Variants in MYO3A observed in about 807,000 individuals in gnomAD.
The protein encoded by MYO3A is myosin-IIIa.
MYO3A carries 180 observed loss-of-function variants against 192.7 expected under a neutral mutation model. That is an observed-to-expected ratio of 0.93 (90% confidence interval 0.83 to 1.06). The LOEUF (loss-of-function observed/expected upper bound fraction) is 1.06, where lower values mean the gene tolerates loss of function less well. Among genes scored for constraint, MYO3A ranks in the 50% least tolerant of loss-of-function variants. The probability of loss-of-function intolerance (pLI) is 0.00; values close to 1 mark genes in which losing one functional copy is unlikely to be tolerated. For synonymous variants in MYO3A, 628 were observed against 645.3 expected (o/e 0.97, Z 0.41); for missense variants, 1,896 against 1,905.0 (o/e 1.00, Z 0.09).
intron 2 of MYO3A, among the ~76,000 whole-genome samples, chr10:25,946,680 C>A (rs1836853460): frequency 6.6e-6 from 1 of 151,602 alleles, no homozygotes; most frequent in Non-Finnish European, 1.5e-5. Flanking sequence ...GAGATCAAGA[C>A]CATCCTGGCT....
At chr10:25,991,119 A>G (rs1446216351) in intron 4 of MYO3A, among the ~76,000 whole-genome samples, 2 of 152,244 alleles carry the variant, frequency 1.3e-5, no homozygotes, top group Non-Finnish European at 2.9e-5. Context: ...ACTAGTTTAC[A>G]GTCCCACCAA....
At position 26,096,463 on chromosome 10, in the gene MYO3A, G is replaced by GA; in HGVS notation, c.1649dup (p.Asn550LysfsTer2). 6.2e-7 allele frequency: 1 copy of GA among 1,613,568 alleles called. No homozygotes were observed. The highest frequency in any genetic ancestry group is 2.2e-5 in the East Asian group (1 of 44,822). On this transcript the variant is annotated frameshift_variant, in exon 16 of 35. Transcript: ENST00000642920. LOFTEE classifies it high-confidence loss of function. ...GAAACTAGCCCATTACAAACTGCCT[G>GA]AAAATAAGCCTCCCAGGTAATCTAC...
chr10:26,002,305 C>T (rs1021654133), intron 6 of MYO3A, among the ~76,000 whole-genome samples: 1 of 152,114 alleles, frequency 6.6e-6, no homozygotes, highest in Admixed American at 6.5e-5. Flanking sequence ...GAATATAATT[C>T]AAATATAAAA....
chr10:25,999,860 T>A (rs1840676875), intron 6 of MYO3A, among the ~76,000 whole-genome samples: 1 of 152,142 alleles, frequency 6.6e-6, no homozygotes, highest in Admixed American at 6.5e-5. Flanking sequence ...TCTTCCCTTG[T>A]TTTCACCTCC....
intron 34 of MYO3A, among the ~76,000 whole-genome samples, chr10:26,205,479 T>TGG (rs766224587): frequency 0.018 from 2,332 of 133,238 alleles, 134 homozygotes; most frequent in African/African-American, 0.068. Flanking sequence ...TTTTTTTTTT[T>TGG]GGGGGGGGGC....
intron 34 of MYO3A, among the ~76,000 whole-genome samples, chr10:26,211,156 CA>C (rs1339115904): frequency 6.6e-6 from 1 of 152,188 alleles, no homozygotes; most frequent in African/African-American, 2.4e-5. Flanking sequence ...TGGTACTTAG[CA>C]GGTGCTCAGT....
At chr10:26,076,427 AT>A (rs1040536732) in intron 14 of MYO3A, among the ~76,000 whole-genome samples, 1 of 151,314 alleles carries the variant, frequency 6.6e-6, no homozygotes, top group Admixed American at 6.6e-5. Flanking sequence ...GATTGTGAAG[AT>A]TTTTTTTCCC....
intron 2 of MYO3A, among the ~76,000 whole-genome samples, chr10:25,943,433 T>C (rs996185396): frequency 2.0e-5 from 3 of 152,116 alleles, no homozygotes; most frequent in African/African-American, 7.2e-5. Context: ...GGGATTTTGC[T>C]AACAATTGCA....
chr10:26,021,469 A>G (rs781341208), intron 7 of MYO3A, 34 bp from the exon 8 acceptor site: 2 of 1,610,104 alleles, frequency 1.2e-6, no homozygotes, highest in Admixed American at 3.3e-5. Flanking sequence ...TAAAGTCACA[A>G]ATTTCACCTT....
At chr10:26,111,756 G>T (rs1838195643) in intron 17 of MYO3A, among the ~76,000 whole-genome samples, 1 of 152,212 alleles carries the variant, frequency 6.6e-6, no homozygotes, top group African/African-American at 2.4e-5. Flanking sequence ...GATGCTCCTT[G>T]TGAACTGTGC....
rs1184006583 is a variant in MYO3A, at chr10:25,958,008, T to G, written c.303+3000T>G. ...TTAGACCTTTGTCAGATGCATCGTTTGTAAACATTTTCTCCTATTCTGTAG... is the reference window on the plus strand; with the variant it reads ...TTAGACCTTTGTCAGATGCATCGTTGGTAAACATTTTCTCCTATTCTGTAG... On this transcript the variant is annotated intron_variant, in intron 4 of 34. Coordinates refer to ENST00000642920, the MANE Select transcript of MYO3A (RefSeq NM_017433.5). 5.3e-5 allele frequency among the ~76,000 whole-genome samples: 8 copies of G among 152,322 alleles called. No individual in the cohort carries two copies. The East Asian group carries it at 1.5e-3, about 29-fold the overall frequency.
chr10:26,203,624 G>A lies in MYO3A; in HGVS notation c.4730+517G>A, dbSNP rs905761992. 3.2e-4 allele frequency among the ~76,000 whole-genome samples: 48 copies of A among 152,144 alleles called. 2 individuals carry two copies. Among genetic ancestry groups the A allele is most frequent in the Admixed American group, 3.1e-3 (48 of 15,272 alleles). ...TTTCTGACATTAAGTAAATTATTTT[G>A]TAGCTTATTTCATACTTTAGGAATT... On this transcript the variant is annotated intron_variant, in intron 34 of 34. Coordinates refer to ENST00000642920, the MANE Select transcript of MYO3A (RefSeq NM_017433.5).
At chr10:25,982,246 C>G (rs1327250892) in intron 4 of MYO3A, among the ~76,000 whole-genome samples, 2 of 152,076 alleles carry the variant, frequency 1.3e-5, no homozygotes, top group African/African-American at 4.8e-5. Context: ...CGAGCCCCAC[C>G]CAAGGAGAGG....
chr10:26,183,754 GC>G (rs1051550347), intron 31 of MYO3A, among the ~76,000 whole-genome samples: 1 of 152,060 alleles, frequency 6.6e-6, no homozygotes, highest in African/African-American at 2.4e-5. Flanking sequence ...GGTGGCAGTT[GC>G]CTCTTGAGAA....
chr10:26,042,318 C>G (rs1035945709), intron 10 of MYO3A, among the ~76,000 whole-genome samples: 6 of 152,052 alleles, frequency 3.9e-5, no homozygotes, highest in African/African-American at 1.4e-4. Flanking sequence ...ATTAAATCTG[C>G]TTGGCATTCT....
At chr10:26,063,931 C>G (rs909432752) in intron 10 of MYO3A, among the ~76,000 whole-genome samples, 3 of 152,188 alleles carry the variant, frequency 2.0e-5, no homozygotes, top group African/African-American at 7.2e-5. Context: ...CATTGAACAA[C>G]TATTTATTGA....
At chr10:26,091,897 G>C (rs900362744) in intron 15 of MYO3A, among the ~76,000 whole-genome samples, 7 of 152,200 alleles carry the variant, frequency 4.6e-5, no homozygotes, top group Admixed American at 4.6e-4. Context: ...AGTGCCTACT[G>C]TGTGCTAGGC....
At chr10:26,210,133 GGGAAGGAAGGAAGGAAGAAAGGAA>G (rs1230088219) in intron 34 of MYO3A, among the ~76,000 whole-genome samples, 4 of 138,358 alleles carry the variant, frequency 2.9e-5, no homozygotes, top group African/African-American at 1.2e-4. Flanking sequence ...GAGGGAGGGA[GGGAAGGAAGGAAGGAAGAAAGGAA>G]GGAAGGAAGG....
At chr10:25,959,987 C>T (rs918576210) in intron 4 of MYO3A, among the ~76,000 whole-genome samples, 1 of 152,100 alleles carries the variant, frequency 6.6e-6, no homozygotes, top group Non-Finnish European at 1.5e-5. Context: ...CTAGCACTAT[C>T]TGGGTTAATC....
Sources: allele counts gnomAD v4.1 joint callset (sites outside exome capture counted in the v4.1 genomes callset), GRCh38; gene constraint gnomAD v4.1.1; transcripts MANE v1.5; gene names NCBI Gene and HGNC (gene_info 2026-07-23, HGNC 2026-07-21).